CAMK2D: variants seen among roughly 807,000 people sequenced by gnomAD.
The protein encoded by CAMK2D is calcium/calmodulin-dependent protein kinase type II subunit delta.
CAMK2D carries 37 observed loss-of-function variants against 84.0 expected under a neutral mutation model. The ratio of observed to expected loss-of-function variants is 0.44; its 90% CI spans 0.34 to 0.58. The LOEUF is 0.58. Among genes scored for constraint, CAMK2D ranks in the 20% least tolerant of loss-of-function variants. CAMK2D has a pLI of 0.02. For synonymous variants in CAMK2D, 202 were observed against 212.5 expected, an observed-to-expected ratio of 0.95 and a Z score of 0.43; for missense variants, 448 against 652.5, an observed-to-expected ratio of 0.69 and a Z score of 3.41.
intron 3 of CAMK2D, among the ~76,000 whole-genome samples, chr4:113,616,545 T>C (rs2099021994): frequency 6.6e-6 from 1 of 152,158 alleles, no homozygotes; most frequent in South Asian, 2.1e-4. Flanking sequence ...TCAAAATAGT[T>C]ATTACCTGGG....
At chr4:113,470,018 T>C (rs1589788733) in intron 16 of CAMK2D, among the ~76,000 whole-genome samples, 1 of 152,120 alleles carries the variant, frequency 6.6e-6, no homozygotes, top group Non-Finnish European at 1.5e-5. Context: ...TCTCTCTCTC[T>C]CTTTCTTTTT....
At position 113,667,665 on chromosome 4, in the gene CAMK2D, A is replaced by G. The variant is rs150456763; in HGVS notation, c.161-5893T>C. ...GGGCTAAGGAAAGGGCCATTTGACT[A>G]CAAAACCTGAACAGGATGTATATGA... On this transcript the variant is annotated intron_variant, in intron 2 of 20. Transcript: ENST00000511664. Among the ~76,000 whole-genome samples, 320 of 152,350 alleles carry G rather than the reference A, an allele frequency of 2.1e-3. 5 individuals are homozygous for G. In the South Asian group the frequency reaches 0.03, roughly 14 times the overall value.
chr4:113,713,359 T>G (rs2099500204), intron 2 of CAMK2D, among the ~76,000 whole-genome samples: 1 of 150,984 alleles, frequency 6.6e-6, no homozygotes, highest in Admixed American at 6.6e-5. Flanking sequence ...GGTACAAGTT[T>G]GTTTCTCCAT....
Position 113,761,079 on chromosome 4 carries a change from G to A in CAMK2D, c.-11C>T. ...TGTGGTCGAAGCCATCCTCGGTCCG[G>A]GCTGTGCCCTGGCTGGGAGCGCGAC... On this transcript the variant is annotated 5_prime_UTR_variant, in exon 1 of 21. Coordinates refer to ENST00000511664, the MANE Select transcript of CAMK2D (RefSeq NM_001321571.2). 4 of 1,614,094 alleles carry A rather than the reference G, an allele frequency of 2.5e-6. No homozygotes were observed. In the East Asian group the frequency reaches 8.9e-5, roughly 36 times the overall value.
intron 16 of CAMK2D, among the ~76,000 whole-genome samples, chr4:113,485,360 T>G (rs2097756188): frequency 6.6e-6 from 1 of 152,226 alleles, no homozygotes; most frequent in South Asian, 2.1e-4. Flanking sequence ...TGGCACTCAA[T>G]AGTCCCTCAC....
intron 3 of CAMK2D, among the ~76,000 whole-genome samples, chr4:113,622,691 G>A (rs1317043395): frequency 6.6e-6 from 1 of 152,138 alleles, no homozygotes; most frequent in African/African-American, 2.4e-5. Flanking sequence ...TTGAGCTCAG[G>A]AGCTCAAGGC....
intron 2 of CAMK2D, among the ~76,000 whole-genome samples, chr4:113,686,868 A>C (rs1408988671): frequency 6.7e-6 from 1 of 148,478 alleles, no homozygotes; most frequent in Non-Finnish European, 1.5e-5. Flanking sequence ...GTATACACAC[A>C]CACACACACA....
At chr4:113,501,456 T>C (rs1334251298) in intron 15 of CAMK2D, among the ~76,000 whole-genome samples, 1 of 152,034 alleles carries the variant, frequency 6.6e-6, no homozygotes, top group Non-Finnish European at 1.5e-5. Flanking sequence ...TTCCAATCAA[T>C]AGCTCAGTAA....
chr4:113,732,330 C>T (rs1219873303), intron 2 of CAMK2D, among the ~76,000 whole-genome samples: 2 of 151,908 alleles, frequency 1.3e-5, no homozygotes, highest in African/African-American at 4.8e-5. Flanking sequence ...CCTATGTTGT[C>T]CAGGCTGGTC....
intron 2 of CAMK2D, among the ~76,000 whole-genome samples, chr4:113,750,327 A>T (rs1412950141): frequency 6.6e-6 from 1 of 152,194 alleles, no homozygotes; most frequent in Non-Finnish European, 1.5e-5. Context: ...AAGATGGAGC[A>T]GGAACTTTCT....
rs2098240828 is a variant in CAMK2D at position 113,513,231 on chromosome 4, T to C, written c.946+97A>G. ...TGCCACCCCTGAACAATGAAGTTTT[T>C]CTAATTATTAGATTTTTAAAATTCC... On this transcript the variant is annotated intron_variant, in intron 12 of 20. Transcript: ENST00000511664. 2.6e-5 allele frequency: 41 copies of C among 1,574,290 alleles called. No individual in the cohort carries two copies. In the South Asian group the frequency reaches 4.1e-4, roughly 16 times the overall value.
intron 4 of CAMK2D, among the ~76,000 whole-genome samples, chr4:113,570,164 T>C (rs2098745724): frequency 6.6e-6 from 1 of 152,176 alleles, no homozygotes; most frequent in African/African-American, 2.4e-5. Context: ...GTTCATGGAT[T>C]GGAAGAATTA....
At chr4:113,590,282 C>A (rs1324846512) in intron 4 of CAMK2D, among the ~76,000 whole-genome samples, 1 of 152,090 alleles carries the variant, frequency 6.6e-6, no homozygotes, top group Non-Finnish European at 1.5e-5. Context: ...ATAGGGAAGA[C>A]AGACAGGTTA....
chr4:113,582,087 A>G (rs1015473174), intron 4 of CAMK2D, among the ~76,000 whole-genome samples: 1 of 152,082 alleles, frequency 6.6e-6, no homozygotes, highest in Non-Finnish European at 1.5e-5. Context: ...TTTGGAGAGC[A>G]TATTTTGACT....
At chr4:113,479,169 A>T (rs2097667934) in intron 16 of CAMK2D, among the ~76,000 whole-genome samples, 2 of 152,216 alleles carry the variant, frequency 1.3e-5, no homozygotes, top group African/African-American at 4.8e-5. Context: ...AATTTCTAAA[A>T]GGGACATTAT....
At chr4:113,730,235 C>T (rs759787887) in intron 2 of CAMK2D, among the ~76,000 whole-genome samples, 58 of 152,172 alleles carry the variant, frequency 3.8e-4, no homozygotes, top group Admixed American at 2.0e-4. Context: ...AAATTCATTT[C>T]AACAACATAC....
intron 4 of CAMK2D, among the ~76,000 whole-genome samples, chr4:113,556,480 A>G (rs1357399929): frequency 6.6e-6 from 1 of 152,144 alleles, no homozygotes; most frequent in Non-Finnish European, 1.5e-5. Context: ...TGAGGGCAGG[A>G]GAGTAGTCAC....
intron 4 of CAMK2D, among the ~76,000 whole-genome samples, chr4:113,554,921 T>C (rs2098654273): frequency 6.6e-6 from 1 of 152,040 alleles, no homozygotes; most frequent in Admixed American, 6.6e-5. Flanking sequence ...TTAATTACCA[T>C]TTATGAAATC....
At position 113,465,468 on chromosome 4, in the gene CAMK2D, C is replaced by T. The variant is rs563892282; in HGVS notation, c.1211+61G>A. The stretch of plus-strand genomic sequence containing the variant: ...GTGAATTCAGACATGTTGAATAATG[C>T]ATTCATATAAAAAATATATTTACCA... On this transcript the variant is annotated intron_variant, in intron 17 of 20. Transcript: ENST00000511664. The T allele has an allele frequency of 7.1e-5, 63 of 886,762 alleles. 1 individual carries two copies. The African/African-American group carries it at 8.3e-4, about 12-fold the overall frequency. 54.9% of individuals were successfully genotyped at this position (886,762 alleles called of 1,614,324 possible). A position where few individuals can be genotyped will look rare whatever the true frequency, so the allele number is the denominator to read the frequency against.
Sources: allele counts gnomAD v4.1 joint callset (sites outside exome capture counted in the v4.1 genomes callset), GRCh38; gene constraint gnomAD v4.1.1; transcripts MANE v1.5; gene names NCBI Gene and HGNC (gene_info 2026-07-23, HGNC 2026-07-21).